Variants in PCDH7 observed in about 807,000 individuals in gnomAD.
The protein encoded by PCDH7 is protocadherin-7.
In PCDH7, 17 loss-of-function variants were observed where a neutral mutation model predicts 58.9. The ratio of observed to expected loss-of-function variants is 0.29; its 90% confidence interval spans 0.20 to 0.43. The LOEUF (loss-of-function observed/expected upper bound fraction) is 0.43, where lower values mean the gene tolerates loss of function less well. Ranked by LOEUF, PCDH7 falls within the 20% of genes least tolerant of loss-of-function variation. The pLI is 1.00. For synonymous variants in PCDH7, 664 were observed against 616.4 expected, an observed-to-expected ratio of 1.08 and a Z score of -1.14; for missense variants, 1,274 against 1,441.0, an observed-to-expected ratio of 0.88 and a Z score of 1.88.
At chr4:30,796,508 C>T (rs1172602156) in intron 1 of PCDH7, among the ~76,000 whole-genome samples, 2 of 152,034 alleles carry the variant, frequency 1.3e-5, no homozygotes, top group African/African-American at 4.8e-5. Flanking sequence ...CATGGTTAGG[C>T]CTGAAGAGCT....
At chr4:30,889,918 T>C (rs1457446878) in intron 1 of PCDH7, among the ~76,000 whole-genome samples, 1 of 152,212 alleles carries the variant, frequency 6.6e-6, no homozygotes, top group East Asian at 1.9e-4. Context: ...AAATTGATCC[T>C]AATATGCTAG....
At chr4:30,966,578 T>G (rs1258299648) in intron 3 of PCDH7, among the ~76,000 whole-genome samples, 1 of 152,044 alleles carries the variant, frequency 6.6e-6, no homozygotes, top group Admixed American at 6.6e-5. Flanking sequence ...TTGACTGTCA[T>G]TTTTTTGTTT....
chr4:30,814,224 T>A (rs1043346763), intron 1 of PCDH7, among the ~76,000 whole-genome samples: 2 of 151,998 alleles, frequency 1.3e-5, no homozygotes, highest in African/African-American at 4.8e-5. Flanking sequence ...TGTGTATATA[T>A]ATGTGTATAT....
chr4:30,910,762 G>C (rs986009548), intron 1 of PCDH7, among the ~76,000 whole-genome samples: 9 of 152,238 alleles, frequency 5.9e-5, no homozygotes, highest in African/African-American at 2.2e-4. Context: ...ATTCCTCAAG[G>C]ATCTAGAACT....
chr4:30,853,082 A>AG (rs1202258143), intron 1 of PCDH7, among the ~76,000 whole-genome samples: 2 of 152,016 alleles, frequency 1.3e-5, no homozygotes, highest in Non-Finnish European at 2.9e-5. Flanking sequence ...TTGGAATGTG[A>AG]GGGGGATGGG....
At chr4:30,800,446 A>T (rs1359735677) in intron 1 of PCDH7, among the ~76,000 whole-genome samples, 3 of 152,186 alleles carry the variant, frequency 2.0e-5, no homozygotes, top group African/African-American at 7.2e-5. Flanking sequence ...TTACTCAATA[A>T]TAATTGCTGA....
At chr4:31,141,825 G>A (rs1198775400) in intron 3 of PCDH7, among the ~76,000 whole-genome samples, 2 of 152,048 alleles carry the variant, frequency 1.3e-5, no homozygotes, top group Non-Finnish European at 2.9e-5. Flanking sequence ...TAGGAGGGGG[G>A]TGAGGGGATG....
intron 1 of PCDH7, among the ~76,000 whole-genome samples, chr4:30,871,028 G>A (rs4128784): frequency 0.1 from 15,351 of 152,060 alleles, 1,027 homozygotes; most frequent in Non-Finnish European, 0.14. Flanking sequence ...GATGGCAAAT[G>A]TTGTTTGAGT....
chr4:30,756,014 G>C (rs1161486863), intron 1 of PCDH7, among the ~76,000 whole-genome samples: 1 of 152,120 alleles, frequency 6.6e-6, no homozygotes, highest in Admixed American at 6.5e-5. Flanking sequence ...AGGAGGTGGA[G>C]GTTGCAGTGA....
chr4:30,850,704 T>C (rs1237663158), intron 1 of PCDH7, among the ~76,000 whole-genome samples: 1 of 152,086 alleles, frequency 6.6e-6, no homozygotes, highest in African/African-American at 2.4e-5. Flanking sequence ...GTCAGGGCCC[T>C]ATTCCACGGC....
intron 3 of PCDH7, among the ~76,000 whole-genome samples, chr4:30,968,325 A>ATT (rs1749186784): frequency 8.6e-6 from 1 of 116,330 alleles, no homozygotes; most frequent in Admixed American, 9.0e-5. Context: ...TACACTATAT[A>ATT]TATATATACA....
intron 1 of PCDH7, among the ~76,000 whole-genome samples, chr4:30,741,205 C>G (rs1717027336): frequency 6.6e-6 from 1 of 151,724 alleles, no homozygotes; most frequent in Non-Finnish European, 1.5e-5. Context: ...AGGCTGTTTC[C>G]TTAGTCCACT....
chr4:30,737,762 A>G (rs899465465), downstream of PCDH7, among the ~76,000 whole-genome samples: 2 of 152,222 alleles, frequency 1.3e-5, no homozygotes, highest in Non-Finnish European at 2.9e-5. Context: ...GCTTGTTGTC[A>G]TAAACTAGGT....
intron 3 of PCDH7, among the ~76,000 whole-genome samples, chr4:31,127,678 TG>T (rs1718464478): frequency 6.6e-6 from 1 of 152,132 alleles, no homozygotes; most frequent in Admixed American, 6.5e-5. Context: ...TTTCCTGAAG[TG>T]GTTGTTGAGG....
chr4:30,940,493 A>C (rs1283494954), intron 2 of PCDH7, among the ~76,000 whole-genome samples: 12 of 152,072 alleles, frequency 7.9e-5, no homozygotes, highest in Admixed American at 7.2e-4. Context: ...AGCATAGTAC[A>C]AAAATATTTT....
chr4:30,985,964 C>A (rs969978514), intron 3 of PCDH7, among the ~76,000 whole-genome samples: 2 of 142,760 alleles, frequency 1.4e-5, no homozygotes, highest in East Asian at 3.9e-4. Flanking sequence ...ATCCTCTGAC[C>A]CTGTAACAAC....
At chr4:31,000,371 TTTA>T (rs1752264289) in intron 3 of PCDH7, among the ~76,000 whole-genome samples, 1 of 152,138 alleles carries the variant, frequency 6.6e-6, no homozygotes, top group African/African-American at 2.4e-5. Flanking sequence ...AGACATCTAG[TTTA>T]TATCTGAACG....
At chr4:31,129,531 T>C (rs370219803) in intron 3 of PCDH7, among the ~76,000 whole-genome samples, 1 of 152,322 alleles carries the variant, frequency 6.6e-6, no homozygotes, top group African/African-American at 2.4e-5. Flanking sequence ...TTGTGATTTA[T>C]ACTGAAGTTT....
intron 1 of PCDH7, among the ~76,000 whole-genome samples, chr4:30,730,589 C>T (rs769382290): frequency 6.6e-6 from 1 of 152,112 alleles, no homozygotes; most frequent in Non-Finnish European, 1.5e-5. Flanking sequence ...TAACTTCCCC[C>T]ACCCCCCAAG....
Sources: allele counts gnomAD v4.1 joint callset (sites outside exome capture counted in the v4.1 genomes callset), GRCh38; gene constraint gnomAD v4.1.1; transcripts MANE v1.5; gene names NCBI Gene and HGNC (gene_info 2026-07-23, HGNC 2026-07-21).